GARIN2: variants seen among roughly 807,000 people sequenced by gnomAD.
GARIN2 encodes the protein golgi associated RAB2 interactor family member 2, also known as Golgi-associated RAB2 interactor protein 2.
chr14:67,205,152 C>T, the GARIN2 span: 1 of 1,435,960 alleles, frequency 7.0e-7, no homozygotes, highest in African/African-American at 1.4e-5. Flanking sequence ...ACCGAGATCA[C>T]ACTTCTTGGT....
the GARIN2 span, chr14:67,221,885 T>C: frequency 6.4e-7 from 1 of 1,566,984 alleles, no homozygotes; most frequent in Non-Finnish European, 8.7e-7. Context: ...AGAAGAGTAG[T>C]GTGGCTAAGA....
chr14:67,201,931 T>C, the GARIN2 span, among the ~76,000 whole-genome samples: 1 of 152,164 alleles, frequency 6.6e-6, no homozygotes, highest in Non-Finnish European at 1.5e-5. Context: ...GCCAAGTTTC[T>C]TGGACTTCAG....
chr14:67,210,658 G>T, the GARIN2 span, among the ~76,000 whole-genome samples: 46,935 of 151,510 alleles, frequency 0.31, 11,151 homozygotes, highest in African/African-American at 0.64. Context: ...ACATATAATT[G>T]TAAAAGTAAA....
chr14:67,215,819 C>G, the GARIN2 span, among the ~76,000 whole-genome samples: 6,444 of 152,200 alleles, frequency 0.042, 147 homozygotes, highest in Middle Eastern at 0.054. Context: ...TCTTATGTCT[C>G]AAATCCAGTG....
chr14:67,211,310 C>CA, the GARIN2 span, among the ~76,000 whole-genome samples: 33 of 151,662 alleles, frequency 2.2e-4, no homozygotes, highest in Admixed American at 5.9e-4. Flanking sequence ...GCAAACTGAA[C>CA]AAAAAAAACC....
the GARIN2 span, among the ~76,000 whole-genome samples, chr14:67,207,327 C>CAG: frequency 1.3e-5 from 2 of 151,804 alleles, no homozygotes; most frequent in African/African-American, 4.8e-5. Context: ...ATCACATGGC[C>CAG]AGAGAGAGAG....
the GARIN2 span, among the ~76,000 whole-genome samples, chr14:67,192,901 T>C: frequency 6.9e-6 from 1 of 144,802 alleles, no homozygotes; most frequent in African/African-American, 2.5e-5. Context: ...TATCGATATC[T>C]AGATATATAT....
At chr14:67,203,438 T>C in the GARIN2 span, 1 of 650,998 alleles carries the variant, frequency 1.5e-6, no homozygotes, top group Non-Finnish European at 2.5e-6. Context: ...AGGAGCATCC[T>C]TGAAGACGGG....
At chr14:67,191,107 G>A in the GARIN2 span, among the ~76,000 whole-genome samples, 42 of 152,206 alleles carry the variant, frequency 2.8e-4, no homozygotes, top group East Asian at 2.1e-3. Context: ...GGTGGCGGGC[G>A]CCTCTAATCC....
At chr14:67,200,318 C>G in the GARIN2 span, 83 of 659,408 alleles carry the variant, frequency 1.3e-4, no homozygotes, top group African/African-American at 1.3e-3. Context: ...GGAGCCCTCT[C>G]CCTCAGTAAA....
chr14:67,206,332 T>C, the GARIN2 span, among the ~76,000 whole-genome samples: 10 of 151,942 alleles, frequency 6.6e-5, no homozygotes, highest in Non-Finnish European at 1.5e-4. Context: ...ACCCTGTCTC[T>C]ACTAAAAAAT....
the GARIN2 span, chr14:67,203,409 C>T: frequency 3.7e-6 from 3 of 801,650 alleles, no homozygotes; most frequent in Non-Finnish European, 5.7e-6. Context: ...ACTCGCACTC[C>T]CTGCTGCAAA....
At chr14:67,222,732 T>C in the GARIN2 span, among the ~76,000 whole-genome samples, 1 of 152,152 alleles carries the variant, frequency 6.6e-6, no homozygotes, top group African/African-American at 2.4e-5. Context: ...TCTCTCTCTT[T>C]GCTGAGTGCT....
the GARIN2 span, among the ~76,000 whole-genome samples, chr14:67,214,939 G>A: frequency 1.3e-5 from 2 of 152,076 alleles, no homozygotes; most frequent in Admixed American, 1.3e-4. Flanking sequence ...TTGTGAATGG[G>A]AGTTCACTCA....
At chr14:67,224,259 CTTTT>C in the GARIN2 span, among the ~76,000 whole-genome samples, 2 of 134,796 alleles carry the variant, frequency 1.5e-5, no homozygotes, top group Admixed American at 1.5e-4. Context: ...TCTCTCTTTT[CTTTT>C]TTTTTTTTTT....
chr14:67,211,139 G>A, the GARIN2 span, among the ~76,000 whole-genome samples: 1 of 152,284 alleles, frequency 6.6e-6, no homozygotes, highest in East Asian at 1.9e-4. Flanking sequence ...GTAACATGGG[G>A]ATACTATCTA....
the GARIN2 span, among the ~76,000 whole-genome samples, chr14:67,207,398 G>C: frequency 1.3e-5 from 2 of 152,054 alleles, no homozygotes; most frequent in African/African-American, 4.8e-5. Context: ...CATCAACTTA[G>C]AGTGAGAACT....
At chr14:67,202,580 A>G in the GARIN2 span, among the ~76,000 whole-genome samples, 1 of 152,220 alleles carries the variant, frequency 6.6e-6, no homozygotes, top group Non-Finnish European at 1.5e-5. Flanking sequence ...TATAAATATA[A>G]GAAGAGTTTG....
At chr14:67,199,948 C>A in the GARIN2 span, 122 of 1,361,748 alleles carry the variant, frequency 9.0e-5, 2 homozygotes, top group South Asian at 9.6e-4. Flanking sequence ...TCACCCATTC[C>A]CACCAGGAGG....
Sources: gnomAD v4.1 joint callset for allele counts (sites outside exome capture counted in the v4.1 genomes callset) on GRCh38, gnomAD v4.1.1 for gene constraint, MANE v1.5 for transcripts, NCBI Gene and HGNC (gene_info 2026-07-23, HGNC 2026-07-21) for gene names.